ARL15: variants seen among roughly 807,000 people sequenced by gnomAD.
ARL15 encodes ADP-ribosylation factor-like protein 15.
Under a neutral mutation model 25.2 loss-of-function variants are expected in ARL15, and 19 were observed. The ratio of observed to expected loss-of-function variants is 0.75; its 90% CI spans 0.53 to 1.10. The LOEUF is 1.10. Ranked by LOEUF, ARL15 falls within the 50% of genes least tolerant of loss-of-function variation. The pLI is 0.00. For synonymous variants in ARL15, 94 were observed against 86.8 expected (o/e 1.08, Z -0.46); for missense variants, 220 against 246.0 (o/e 0.89, Z 0.71).
intron 2 of ARL15, among the ~76,000 whole-genome samples, chr5:54,157,472 C>T (rs1477225415): frequency 2.6e-5 from 4 of 152,068 alleles, no homozygotes; most frequent in Admixed American, 1.3e-4. Flanking sequence ...GGTACAGTGG[C>T]GTGGTCTCGG....
intron 4 of ARL15, among the ~76,000 whole-genome samples, chr5:54,022,583 C>T (rs1401659903): frequency 1.3e-5 from 2 of 152,146 alleles, no homozygotes; most frequent in Non-Finnish European, 2.9e-5. Flanking sequence ...AACAAGACAG[C>T]CTCTGCTCAT....
chr5:53,983,335 C>T (rs1228031669), intron 4 of ARL15, among the ~76,000 whole-genome samples: 1 of 152,158 alleles, frequency 6.6e-6, no homozygotes, highest in Non-Finnish European at 1.5e-5. Flanking sequence ...ACTTAATCCT[C>T]TTGCATCTTA....
At position 54,290,700 on chromosome 5, in the gene ARL15, T is replaced by C. The variant is rs72756283; in HGVS notation, c.48+19732A>G. 9.9e-3 allele frequency among the ~76,000 whole-genome samples: 1,507 copies of C among 152,324 alleles called. 9 individuals are homozygous for C. Among genetic ancestry groups the C allele is most frequent in the Middle Eastern group, 0.02 (6 of 294 alleles). ...TGCCATGCATTGTCCATTAGGCACT[T>C]GGAAGCAAAATTAATTAGAATCATA... On this transcript the variant is annotated intron_variant, in intron 1 of 4. Coordinates refer to ENST00000504924, the MANE Select transcript of ARL15 (RefSeq NM_019087.3).
chr5:54,247,829 G>A (rs1455153291), intron 1 of ARL15, among the ~76,000 whole-genome samples: 2 of 151,864 alleles, frequency 1.3e-5, no homozygotes, highest in African/African-American at 4.8e-5. Flanking sequence ...TTATAAAAAT[G>A]AAAACCTCAA....
At chr5:54,150,190 T>C (rs1173315784) in intron 3 of ARL15, among the ~76,000 whole-genome samples, 1 of 152,200 alleles carries the variant, frequency 6.6e-6, no homozygotes, top group African/African-American at 2.4e-5. Flanking sequence ...TAATACATGC[T>C]CAGTAAATAT....
At chr5:54,224,167 A>C (rs1756454929) in intron 1 of ARL15, among the ~76,000 whole-genome samples, 1 of 152,188 alleles carries the variant, frequency 6.6e-6, no homozygotes, top group Non-Finnish European at 1.5e-5. Context: ...GGCCGGGGTA[A>C]CCGTCCAAGC....
At chr5:54,189,919 C>G (rs1755347660) in intron 1 of ARL15, among the ~76,000 whole-genome samples, 1 of 152,064 alleles carries the variant, frequency 6.6e-6, no homozygotes, top group Non-Finnish European at 1.5e-5. Flanking sequence ...AATCATATCT[C>G]TAATAAGAGA....
At chr5:54,045,963 A>G (rs1313921293) in intron 4 of ARL15, among the ~76,000 whole-genome samples, 2 of 152,194 alleles carry the variant, frequency 1.3e-5, no homozygotes, top group African/African-American at 4.8e-5. Flanking sequence ...TTCTTTCCTC[A>G]TGGAAGGGTA....
intron 4 of ARL15, among the ~76,000 whole-genome samples, chr5:54,038,189 A>C (rs1049211495): frequency 2.6e-5 from 4 of 152,128 alleles, no homozygotes; most frequent in Non-Finnish European, 5.9e-5. Flanking sequence ...TTGCTTATTT[A>C]TACCTTGCTT....
At chr5:54,207,158 G>A (rs996726601) in intron 1 of ARL15, among the ~76,000 whole-genome samples, 1 of 152,228 alleles carries the variant, frequency 6.6e-6, no homozygotes, top group African/African-American at 2.4e-5. Context: ...AAGGGACACA[G>A]AAGCCACTGG....
At chr5:54,282,446 T>C (rs1758082193) in intron 1 of ARL15, 1 of 985,348 alleles carries the variant, frequency 1.0e-6, no homozygotes, top group African/African-American at 1.7e-5. Flanking sequence ...ACATCTGTTT[T>C]ATGAGGAAGT....
chr5:53,893,297 T>A (rs1481020893), intron 4 of ARL15, among the ~76,000 whole-genome samples: 1 of 150,782 alleles, frequency 6.6e-6, no homozygotes, highest in Non-Finnish European at 1.5e-5. Context: ...AAATCAGGAC[T>A]TTTTTTCTTT....
At chr5:54,025,488 T>C (rs1240771874) in intron 4 of ARL15, among the ~76,000 whole-genome samples, 1 of 152,168 alleles carries the variant, frequency 6.6e-6, no homozygotes, top group African/African-American at 2.4e-5. Flanking sequence ...TTCTAGTACA[T>C]CATAATCACA....
intron 4 of ARL15, among the ~76,000 whole-genome samples, chr5:54,038,046 T>A (rs1028435521): frequency 2.0e-5 from 3 of 152,148 alleles, no homozygotes; most frequent in Non-Finnish European, 2.9e-5. Flanking sequence ...AAAATCATAC[T>A]TTAATTGCCA....
chr5:53,921,770 TCAAAA>T (rs973096681), intron 4 of ARL15, among the ~76,000 whole-genome samples: 2 of 152,114 alleles, frequency 1.3e-5, no homozygotes, highest in African/African-American at 2.4e-5. Context: ...AGACCCTGTC[TCAAAA>T]CAAAACAAAA....
intron 1 of ARL15, among the ~76,000 whole-genome samples, chr5:54,309,583 G>C (rs935884922): frequency 3.3e-5 from 5 of 152,178 alleles, no homozygotes; most frequent in African/African-American, 1.2e-4. Context: ...CACAATAATC[G>C]TATAGGATCG....
chr5:54,302,546 G>A (rs1286099797), intron 1 of ARL15, among the ~76,000 whole-genome samples: 1 of 151,996 alleles, frequency 6.6e-6, no homozygotes, highest in African/African-American at 2.4e-5. Context: ...TGATTAAGAC[G>A]GTCAGGGAAC....
chr5:54,087,164 G>A (rs1029580938), intron 4 of ARL15, among the ~76,000 whole-genome samples: 10 of 152,098 alleles, frequency 6.6e-5, no homozygotes, highest in South Asian at 4.1e-4. Flanking sequence ...GTGAAACCCC[G>A]TCGCTACTAA....
chr5:54,173,026 A>G (rs549003636), intron 1 of ARL15, among the ~76,000 whole-genome samples: 8 of 152,076 alleles, frequency 5.3e-5, no homozygotes, highest in Admixed American at 5.2e-4. Context: ...TAAAAATACA[A>G]AAAGAAATTA....
Sources: allele counts gnomAD v4.1 joint callset (sites outside exome capture counted in the v4.1 genomes callset), GRCh38; gene constraint gnomAD v4.1.1; transcripts MANE v1.5; gene names NCBI Gene and HGNC (gene_info 2026-07-23, HGNC 2026-07-21).